The following GRIK1 variants were observed in gnomAD, a reference collection of about 807,000 sequenced individuals.
The protein encoded by GRIK1 is glutamate ionotropic receptor kainate type subunit 1, also known as glutamate receptor ionotropic, kainate 1.
In GRIK1, 69 loss-of-function variants were observed where a neutral mutation model predicts 105.7. The ratio of observed to expected loss-of-function variants is 0.65; its 90% CI spans 0.54 to 0.80. GRIK1 has a LOEUF of 0.80. GRIK1 is among the 30% of genes least tolerant of loss of function. GRIK1 has a pLI of 0.00. For synonymous variants in GRIK1, 438 were observed against 431.3 expected (o/e 1.02, Z -0.19); for missense variants, 1,109 against 1,167.3 (o/e 0.95, Z 0.73).
intron 8 of GRIK1, chr21:29,597,675 A>G: frequency 2.1e-6 from 1 of 467,102 alleles, no homozygotes; most frequent in South Asian, 1.6e-5. Context: ...AAGCCAGAAG[A>G]TGGGAGAGAC....
chr21:29,539,563 A>G (rs190474480), intron 16 of GRIK1, among the ~76,000 whole-genome samples: 18 of 152,340 alleles, frequency 1.2e-4, no homozygotes, highest in Admixed American at 9.1e-4. Flanking sequence ...TCATGAATGA[A>G]ATATAATAAT....
At chr21:29,551,437 G>A (rs1452863144) in intron 16 of GRIK1, among the ~76,000 whole-genome samples, 1 of 152,102 alleles carries the variant, frequency 6.6e-6, no homozygotes, top group African/African-American at 2.4e-5. Flanking sequence ...TCTAAGTTTG[G>A]CTGTTTTAGA....
chr21:29,697,993 TTCTC>T (rs1473056909), intron 1 of GRIK1, among the ~76,000 whole-genome samples: 4 of 150,636 alleles, frequency 2.7e-5, no homozygotes, highest in Non-Finnish European at 4.4e-5. Context: ...CTTTCTTTCT[TTCTC>T]TTTCTTTCTT....
intron 1 of GRIK1, among the ~76,000 whole-genome samples, chr21:29,861,429 C>A (rs1478856592): frequency 6.6e-6 from 1 of 152,130 alleles, no homozygotes; most frequent in Non-Finnish European, 1.5e-5. Flanking sequence ...TCTCAGCCTC[C>A]TGAGTAGTTG....
chr21:29,765,097 TG>T lies in GRIK1; in HGVS notation c.119-71035del, dbSNP rs775187209. On this transcript the variant is annotated intron_variant, in intron 1 of 17. Transcript: ENST00000327783. ...AAAGATCATGACCTCTTTGCATTTC[TG>T]TCTCCCTTCTTATAGCTCCTGCCTC... Among the ~76,000 whole-genome samples the T allele has an allele frequency of 1.8e-3, 273 of 152,360 alleles. 2 individuals carry two copies. The highest frequency in any genetic ancestry group is 3.7e-3 in the Admixed American group (57 of 15,308).
chr21:29,672,747 G>C (rs2063183022), intron 4 of GRIK1, among the ~76,000 whole-genome samples: 1 of 151,972 alleles, frequency 6.6e-6, no homozygotes, highest in South Asian at 2.1e-4. Flanking sequence ...ATACCACTCG[G>C]TCCACCCATA....
chr21:29,871,710 C>A (rs2069017942), intron 1 of GRIK1, among the ~76,000 whole-genome samples: 1 of 150,966 alleles, frequency 6.6e-6, no homozygotes, highest in Admixed American at 6.6e-5. Context: ...AAGACCTGCA[C>A]ACTGGAAGAA....
At chr21:29,926,753 T>G (rs2146343334) in intron 1 of GRIK1, among the ~76,000 whole-genome samples, 1 of 152,260 alleles carries the variant, frequency 6.6e-6, no homozygotes, top group African/African-American at 2.4e-5. Context: ...TACAATTTAT[T>G]TATCATTATT....
At chr21:29,615,526 C>T (rs1395294239) in intron 7 of GRIK1, among the ~76,000 whole-genome samples, 1 of 152,098 alleles carries the variant, frequency 6.6e-6, no homozygotes, top group African/African-American at 2.4e-5. Context: ...CCAGGCTGGT[C>T]TTGAACTCCT....
chr21:29,750,078 T>C (rs1272694573), intron 1 of GRIK1, among the ~76,000 whole-genome samples: 1 of 152,156 alleles, frequency 6.6e-6, no homozygotes, highest in Non-Finnish European at 1.5e-5. Flanking sequence ...TTTTTAATGA[T>C]GGCATTTCAT....
intron 1 of GRIK1, among the ~76,000 whole-genome samples, chr21:29,775,989 T>C (rs2065934272): frequency 6.6e-6 from 1 of 152,222 alleles, no homozygotes; most frequent in African/African-American, 2.4e-5. Flanking sequence ...TCAGGAAACC[T>C]ACAATCATGG....
At chr21:29,643,614 C>A (rs1330271897) in intron 6 of GRIK1, among the ~76,000 whole-genome samples, 1 of 152,180 alleles carries the variant, frequency 6.6e-6, no homozygotes, top group Non-Finnish European at 1.5e-5. Context: ...TGAAACAAGT[C>A]GGTCATTCCT....
chr21:29,871,760 ATTTTT>A (rs35513177), intron 1 of GRIK1, among the ~76,000 whole-genome samples: 29 of 121,158 alleles, frequency 2.4e-4, no homozygotes, highest in Admixed American at 2.0e-3. Context: ...AATCTTTTTA[ATTTTT>A]TTTTTTTTTT....
At chr21:29,554,033 T>G (rs530182269) in intron 16 of GRIK1, among the ~76,000 whole-genome samples, 15 of 152,304 alleles carry the variant, frequency 9.8e-5, no homozygotes, top group African/African-American at 3.6e-4. Flanking sequence ...CAGGTTATAA[T>G]GAATCATCCC....
intron 14 of GRIK1, among the ~76,000 whole-genome samples, chr21:29,563,343 G>C (rs555333570): frequency 7.0e-4 from 106 of 152,318 alleles, no homozygotes; most frequent in Middle Eastern, 3.4e-3. Context: ...TTATGAGTTA[G>C]GGGAGGACAG....
At chr21:29,550,987 T>A (rs542546434) in intron 16 of GRIK1, among the ~76,000 whole-genome samples, 1 of 152,344 alleles carries the variant, frequency 6.6e-6, no homozygotes, top group East Asian at 1.9e-4. Context: ...GAGTGGCTAC[T>A]ATGTGCCAAG....
intron 1 of GRIK1, among the ~76,000 whole-genome samples, chr21:29,821,561 C>T (rs1316042307): frequency 2.0e-5 from 3 of 151,984 alleles, no homozygotes; most frequent in African/African-American, 4.8e-5. Context: ...CAGGAATCCT[C>T]ATGGGGAGAT....
chr21:29,828,762 G>A (rs372785401), intron 1 of GRIK1, among the ~76,000 whole-genome samples: 2 of 152,100 alleles, frequency 1.3e-5, no homozygotes, highest in East Asian at 1.9e-4. Flanking sequence ...GCCTTCAAAA[G>A]TGCTAGGATT....
chr21:29,815,123 A>C (rs1192636432), intron 1 of GRIK1, among the ~76,000 whole-genome samples: 1 of 151,478 alleles, frequency 6.6e-6, no homozygotes, highest in Non-Finnish European at 1.5e-5. Flanking sequence ...GTACTATGTA[A>C]TAATAAAGTC....
Sources: gnomAD v4.1 joint callset for allele counts (sites outside exome capture counted in the v4.1 genomes callset) on GRCh38, gnomAD v4.1.1 for gene constraint, MANE v1.5 for transcripts, NCBI Gene and HGNC (gene_info 2026-07-23, HGNC 2026-07-21) for gene names.